DDX39B: variants seen among roughly 807,000 people sequenced by gnomAD.
DDX39B encodes DExD-box helicase 39B.
A neutral mutation model predicts 46.4 loss-of-function variants in DDX39B; 6 were observed. That is an observed-to-expected ratio of 0.13 (90% CI 0.07 to 0.26). DDX39B has a LOEUF of 0.26. Among genes scored for constraint, DDX39B ranks in the 10% least tolerant of loss-of-function variants. DDX39B has a pLI of 1.00. For synonymous variants in DDX39B, 174 were observed against 199.4 expected, an observed-to-expected ratio of 0.87 and a Z score of 1.07; for missense variants, 185 against 553.4, an observed-to-expected ratio of 0.33 and a Z score of 6.68.
At chr6:31,538,684 A>G (rs1768055953) in intron 4 of DDX39B, 79 bp downstream of exon 4, 1 of 1,310,920 alleles carries the variant, frequency 7.6e-7, no homozygotes, top group Non-Finnish European at 1.1e-6. Context: ...TCCAAAATTA[A>G]AGAGACTATT....
At chr6:31,539,560 G>C (rs1020698700) in intron 2 of DDX39B, among the ~76,000 whole-genome samples, 5 of 152,044 alleles carry the variant, frequency 3.3e-5, no homozygotes, top group Non-Finnish European at 7.4e-5. Flanking sequence ...AATGATCCTA[G>C]CTCTGTCCTT....
In DDX39B at chr6:31,530,934, G is replaced by GA; in HGVS notation, c.1123-9dup. On this transcript the variant is annotated splice_polypyrimidine_tract_variant and intron_variant, in intron 9 of 10. Coordinates refer to ENST00000396172, the MANE Select transcript of DDX39B (RefSeq NM_004640.7). This position sits in a 1 kb window ranked among gnomAD's most constrained non-coding sequence, Gnocchi z 4.5. ...CCGGCCTGCTCTGGCCACCTGGAGG[G>GA]AGACAGAGGGTAGCACTGGAAGACC... 1 of 1,614,138 alleles carries GA rather than the reference G, an allele frequency of 6.2e-7. No individual in the cohort carries two copies. The highest frequency in any genetic ancestry group is 8.5e-7 in the Non-Finnish European group (1 of 1,180,032).
intron 4 of DDX39B, 21 bp downstream of exon 4, chr6:31,538,742 G>A (rs1768063436): frequency 2.5e-6 from 4 of 1,602,562 alleles, no homozygotes; most frequent in Non-Finnish European, 8.5e-7. Context: ...CTCACTCTCA[G>A]GTCTCTTTAC....
chr6:31,532,882 C>T lies in DDX39B; in HGVS notation c.765G>A (p.Thr255=). 1 of 1,594,386 alleles carries T rather than the reference C, an allele frequency of 6.3e-7. No individual in the cohort carries two copies. ...DPMEIFVDDE[T]KLTLHGLQQY... is the part of the protein sequence containing the mutation. ...GCTGCAACCCATGCAGCGTCAACTT[C>T]GTCTCATCATCCACGAAGATCTCCA... Residue 255 remains threonine (T), a synonymous_variant, in exon 7 of 11, where the codon ACG becomes ACA. Coordinates refer to ENST00000396172, the MANE Select transcript of DDX39B (RefSeq NM_004640.7).
rs575315382 is a variant in DDX39B at position 31,534,431 on chromosome 6, A to G, written c.735+936T>C. 229 of 468,610 alleles carry G rather than the reference A, an allele frequency of 4.9e-4. 8 individuals carry two copies. The highest frequency in any genetic ancestry group is 3.5e-3 in the South Asian group (228 of 64,388). The allele number at this position is 468,610 out of a possible 1,614,324, so 29.0% of individuals were successfully genotyped here. ...GAAGAACACACTCCACTGCTTATGC[A>G]ATTGGCCCCACCTAGCCCCAAACCC... is the stretch of plus-strand genomic sequence containing the variant. On this transcript the variant is annotated intron_variant, in intron 6 of 10. Coordinates refer to ENST00000396172, the MANE Select transcript of DDX39B (RefSeq NM_004640.7). The surrounding 1 kb of genome is among the most constrained non-coding windows in gnomAD (Gnocchi z 5.1).
chr6:31,539,319 A>G (rs1269581464), intron 2 of DDX39B, 45 bp from the exon 3 acceptor site: 2 of 1,594,996 alleles, frequency 1.3e-6, no homozygotes, highest in African/African-American at 2.7e-5. Context: ...TTCAGTCTCC[A>G]GATAACTCTA....
intron 1 of DDX39B, 50 bp from the exon 2 acceptor site, chr6:31,540,714 A>G: frequency 7.5e-6 from 4 of 535,454 alleles, no homozygotes; most frequent in Non-Finnish European, 1.3e-5. Flanking sequence ...CACAGCCTTC[A>G]CCACCTCTTT....
chr6:31,540,753 C>T, intron 1 of DDX39B, 89 bp from the exon 2 acceptor site: 1 of 579,400 alleles, frequency 1.7e-6, no homozygotes, highest in Non-Finnish European at 3.1e-6. Flanking sequence ...TTTCCCTAAA[C>T]CAGGAAACTT....
At chr6:31,541,683 A>G (rs1429783584) in intron 1 of DDX39B, 1 of 514,808 alleles carries the variant, frequency 1.9e-6, no homozygotes, top group Non-Finnish European at 3.9e-6. Flanking sequence ...TGAGGCCTCC[A>G]ATATGAGAAG....
chr6:31,530,980 G>T lies in DDX39B; in HGVS notation c.1123-54C>A, dbSNP rs753621046. On this transcript the variant is annotated intron_variant, in intron 9 of 10. Coordinates refer to ENST00000396172, the MANE Select transcript of DDX39B (RefSeq NM_004640.7). This position sits in a 1 kb window ranked among gnomAD's most constrained non-coding sequence, Gnocchi z 4.5. ...AGACCGAAGAGGAAAGAGACCCAGA[G>T]GCAGGAATGAAGATGTACAAACAGA... The T allele has an allele frequency of 6.2e-7, 1 of 1,613,464 alleles. No individual in the cohort carries two copies. Among genetic ancestry groups the T allele is most frequent in the African/African-American group, 1.3e-5 (1 of 74,892 alleles).
chr6:31,532,686 T>G lies in DDX39B; in HGVS notation c.867+94A>C. 1.3e-5 allele frequency: 19 copies of G among 1,475,460 alleles called. 1 individual carries two copies. The highest frequency in any genetic ancestry group is 1.8e-5 in the Non-Finnish European group (19 of 1,069,136). The allele number at this position is 1,475,460 out of a possible 1,614,324, so 91.4% of individuals were successfully genotyped here. A position where few individuals can be genotyped will look rare whatever the true frequency, so the allele number is the denominator to read the frequency against. On this transcript the variant is annotated intron_variant, in intron 7 of 10. Coordinates refer to ENST00000396172, the MANE Select transcript of DDX39B (RefSeq NM_004640.7). The stretch of plus-strand genomic sequence containing the variant: ...TCATTATTCTCTCCCACATCACACA[T>G]GTGATTTCCTCAATAAAAGTGTACT...
chr6:31,537,215 C>T (rs942297710), intron 4 of DDX39B, among the ~76,000 whole-genome samples: 1 of 152,172 alleles, frequency 6.6e-6, no homozygotes, highest in Non-Finnish European at 1.5e-5. Context: ...CACTTGAAGC[C>T]AGGAGTTCAA....
chr6:31,535,327 G>T lies in DDX39B; in HGVS notation c.735+40C>A. 6.3e-7 allele frequency: 1 copy of T among 1,582,080 alleles called. No individual in the cohort carries two copies. Among genetic ancestry groups the T allele is most frequent in the Non-Finnish European group, 8.7e-7 (1 of 1,151,648 alleles). ...AGGGCGAGGAAGGGGAGGAGGCAGC[G>T]GGCGGGGAGTGGAGGGAGAGAAGGT... On this transcript the variant is annotated intron_variant, in intron 6 of 10. Transcript: ENST00000396172. This position sits in a 1 kb window ranked among gnomAD's most constrained non-coding sequence, Gnocchi z 4.6.
intron 3 of DDX39B, 96 bp downstream of exon 3, chr6:31,539,051 C>G: frequency 6.2e-7 from 1 of 1,603,366 alleles, no homozygotes; most frequent in African/African-American, 1.3e-5. Context: ...AGGTCATGTG[C>G]TCATGGCTCT....
Position 31,540,312 on chromosome 6 carries a change from G to GA in DDX39B, c.211+9dup. The stretch of plus-strand genomic sequence containing the variant: ...CCCAATGAGCACTACATGCCCAAGA[G>GA]AAAATTTACCTTCTGACGGATGCTC... On this transcript the variant is annotated intron_variant, in intron 2 of 10. Coordinates refer to ENST00000396172, the MANE Select transcript of DDX39B (RefSeq NM_004640.7). 2 of 1,614,072 alleles carry GA rather than the reference G, an allele frequency of 1.2e-6. No homozygotes were observed. The highest frequency in any genetic ancestry group is 1.7e-6 in the Non-Finnish European group (2 of 1,179,944).
In DDX39B at chr6:31,534,797, G is replaced by A. The variant is rs1309671183; in HGVS notation, c.735+570C>T. On this transcript the variant is annotated intron_variant, in intron 6 of 10. Coordinates refer to ENST00000396172, the MANE Select transcript of DDX39B (RefSeq NM_004640.7). The surrounding 1 kb of genome is among the most constrained non-coding windows in gnomAD (Gnocchi z 5.1). The stretch of plus-strand genomic sequence containing the variant: ...AACCGAGGTTCCAGATGGGTGCAAG[G>A]AGATGTGGGTGGGAAGGAGTAGGGT... 2 of 321,828 alleles carry A rather than the reference G, an allele frequency of 6.2e-6. No homozygotes were observed. Among genetic ancestry groups the A allele is most frequent in the South Asian group, 5.3e-5 (2 of 37,872 alleles). 19.9% of individuals were successfully genotyped at this position (321,828 alleles called of 1,614,324 possible).
At chr6:31,538,157 T>C (rs991819269) in intron 4 of DDX39B, among the ~76,000 whole-genome samples, 7 of 152,198 alleles carry the variant, frequency 4.6e-5, no homozygotes, top group African/African-American at 1.7e-4. Context: ...TTCAATCAGA[T>C]TTTTTCTTTT....
intron 4 of DDX39B, among the ~76,000 whole-genome samples, 187 bp downstream of exon 4, chr6:31,538,576 G>C (rs1443124516): frequency 6.6e-6 from 1 of 152,146 alleles, no homozygotes; most frequent in African/African-American, 2.4e-5. Context: ...AGTAAGAAAA[G>C]GGTGGTCTTG....
rs777506169 is a variant in DDX39B at position 31,535,492 on chromosome 6, G to C, written c.617-7C>G. 4.2e-5 allele frequency: 67 copies of C among 1,603,562 alleles called. No individual in the cohort carries two copies. The highest frequency in any genetic ancestry group is 5.4e-5 in the Non-Finnish European group (63 of 1,173,558). Reference sequence around the variant, plus strand: ...TGGACATCCCGACGCATGTCTACAAGAACAAGGAAAAAAATTGTAGGAGAA... The same window carrying C: ...TGGACATCCCGACGCATGTCTACAACAACAAGGAAAAAAATTGTAGGAGAA... On this transcript the variant is annotated splice_region_variant and splice_polypyrimidine_tract_variant and intron_variant, in intron 5 of 10. Coordinates refer to ENST00000396172, the MANE Select transcript of DDX39B (RefSeq NM_004640.7). This position sits in a 1 kb window ranked among gnomAD's most constrained non-coding sequence, Gnocchi z 4.6.
Sources: allele counts gnomAD v4.1 joint callset (sites outside exome capture counted in the v4.1 genomes callset), GRCh38; gene constraint gnomAD v4.1.1; non-coding constraint Gnocchi (gnomAD v3.1); transcripts MANE v1.5; gene names NCBI Gene and HGNC (gene_info 2026-07-23, HGNC 2026-07-21).